The following ADGRL2 variants were observed in gnomAD, a reference collection of about 807,000 sequenced individuals.
ADGRL2 encodes the protein adhesion G protein-coupled receptor L2, also known as calcium-independent alpha-latrotoxin receptor 2.
ADGRL2 carries 44 observed loss-of-function variants against 157.4 expected under a neutral mutation model. The ratio of observed to expected loss-of-function variants is 0.28; its 90% CI spans 0.22 to 0.36. The LOEUF is 0.36. Ranked by LOEUF, ADGRL2 falls within the 10% of genes least tolerant of loss-of-function variation. The probability of loss-of-function intolerance (pLI) is 1.00; values close to 1 mark genes in which losing one functional copy is unlikely to be tolerated. For missense variants in ADGRL2, 1,510 were observed against 1,768.9 expected (o/e 0.85, Z 2.63); for synonymous variants, 585 against 624.7 (o/e 0.94, Z 0.95).
chr1:81,435,212 A>C (rs1190236901), intron 1 of ADGRL2, among the ~76,000 whole-genome samples: 2 of 152,236 alleles, frequency 1.3e-5, no homozygotes, highest in African/African-American at 4.8e-5. Flanking sequence ...AATGACCCAT[A>C]AACTGACCTT....
At chr1:81,371,960 C>T (rs886196106) in intron 1 of ADGRL2, among the ~76,000 whole-genome samples, 2 of 152,076 alleles carry the variant, frequency 1.3e-5, no homozygotes, top group Non-Finnish European at 2.9e-5. Flanking sequence ...AAACACAGGT[C>T]TGTTGTAGGT....
At chr1:81,703,913 G>A (rs1229116577) in intron 1 of ADGRL2, among the ~76,000 whole-genome samples, 1 of 152,194 alleles carries the variant, frequency 6.6e-6, no homozygotes, top group East Asian at 1.9e-4. Flanking sequence ...GGAAGGAAGT[G>A]TGGGGCAGAT....
chr1:81,669,936 A>C (rs1468065735), intron 3 of ADGRL2, among the ~76,000 whole-genome samples: 9 of 127,368 alleles, frequency 7.1e-5, no homozygotes, highest in East Asian at 6.5e-4. Context: ...GAGTGAGACT[A>C]CGTCTCAAAA....
chr1:81,968,220 T>TTA (rs765561033), intron 14 of ADGRL2, 21 bp downstream of exon 14: 2 of 1,598,962 alleles, frequency 1.3e-6, no homozygotes, highest in East Asian at 4.5e-5. Flanking sequence ...GCACTTCTAA[T>TTA]TAGTAGCAGA....
At chr1:81,624,984 TG>T (rs2081880328) in intron 3 of ADGRL2, among the ~76,000 whole-genome samples, 1 of 152,214 alleles carries the variant, frequency 6.6e-6, no homozygotes, top group Non-Finnish European at 1.5e-5. Flanking sequence ...GTCTCTTTGG[TG>T]ATCATGACAA....
chr1:81,968,095 T>A lies in ADGRL2; in HGVS notation c.2419T>A (p.Ser807Thr), dbSNP rs571951429. Residue 807 changes from serine to threonine, a missense_variant, in exon 14 of 24, where the codon TCT becomes ACT. Around this residue, in one of 4 missense-constraint regions of ADGRL2, gnomAD observed 497 missense variants for 627.2 expected, o/e 0.79. Transcript: ENST00000686636. Reference sequence around the variant, plus strand: ...AGAGAGAACTATGATGGGATATTGGTCTACCCAGGGCTGCAAGCTGGTTGA... The same window carrying A: ...AGAGAGAACTATGATGGGATATTGGACTACCCAGGGCTGCAAGCTGGTTGA... ...YSERTMMGYW[S>T]TQGCKLVDTN... 1 of 1,613,958 alleles carries A rather than the reference T, an allele frequency of 6.2e-7. No homozygotes were observed. Among genetic ancestry groups the A allele is most frequent in the Non-Finnish European group, 8.5e-7 (1 of 1,179,856 alleles).
chr1:81,312,862 A>G, intron 1 of ADGRL2, among the ~76,000 whole-genome samples: 1 of 152,324 alleles, frequency 6.6e-6, no homozygotes, highest in East Asian at 1.9e-4. Flanking sequence ...TTTAAAAATC[A>G]TGTAAACTGA....
chr1:81,616,735 G>A (rs1408593797), intron 3 of ADGRL2, among the ~76,000 whole-genome samples: 1 of 141,956 alleles, frequency 7.0e-6, no homozygotes, highest in African/African-American at 2.7e-5. Context: ...GGAGTGCAGT[G>A]GCACAATCTC....
chr1:81,877,051 G>C (rs1272921334), intron 2 of ADGRL2, among the ~76,000 whole-genome samples: 1 of 152,072 alleles, frequency 6.6e-6, no homozygotes, highest in Admixed American at 6.5e-5. Context: ...CTTAACTCCT[G>C]TTCCTGTCTC....
intron 2 of ADGRL2, among the ~76,000 whole-genome samples, chr1:81,777,738 G>T (rs2086643747): frequency 1.3e-5 from 2 of 152,160 alleles, no homozygotes; most frequent in Non-Finnish European, 2.9e-5. Flanking sequence ...ACTCCAGCCT[G>T]GGTGACAAGT....
chr1:81,512,159 TA>T (rs990166255), intron 2 of ADGRL2, among the ~76,000 whole-genome samples: 6 of 151,164 alleles, frequency 4.0e-5, no homozygotes, highest in African/African-American at 7.3e-5. Flanking sequence ...TCACATCAAT[TA>T]AAAAAAAAGA....
chr1:81,480,584 C>G (rs2078364374), intron 2 of ADGRL2, among the ~76,000 whole-genome samples: 1 of 152,112 alleles, frequency 6.6e-6, no homozygotes, highest in Non-Finnish European at 1.5e-5. Flanking sequence ...CAAGATATAG[C>G]TGACCATATT....
At chr1:81,456,296 T>C (rs1415062552) in intron 2 of ADGRL2, among the ~76,000 whole-genome samples, 1 of 152,154 alleles carries the variant, frequency 6.6e-6, no homozygotes, top group Non-Finnish European at 1.5e-5. Context: ...CATAGCTCAT[T>C]GTAGCCCCAA....
intron 2 of ADGRL2, among the ~76,000 whole-genome samples, chr1:81,541,060 C>A (rs965846778): frequency 2.6e-5 from 4 of 152,136 alleles, no homozygotes; most frequent in Non-Finnish European, 5.9e-5. Flanking sequence ...ATATATTGCC[C>A]CTGCCCTCTA....
At chr1:81,772,812 T>C (rs796438729) in intron 2 of ADGRL2, among the ~76,000 whole-genome samples, 52 of 152,268 alleles carry the variant, frequency 3.4e-4, no homozygotes, top group African/African-American at 1.2e-3. Context: ...TAGTAAAACA[T>C]ATGTTTATAG....
At chr1:81,494,494 G>A (rs187019636) in intron 2 of ADGRL2, among the ~76,000 whole-genome samples, 294 of 152,202 alleles carry the variant, frequency 1.9e-3, no homozygotes, top group Middle Eastern at 6.8e-3. Flanking sequence ...TTTTACTGAT[G>A]AAGAAAATCT....
At chr1:81,530,868 A>T (rs143526936) in intron 2 of ADGRL2, among the ~76,000 whole-genome samples, 1,945 of 152,140 alleles carry the variant, frequency 0.013, 60 homozygotes, top group African/African-American at 0.045. Flanking sequence ...GCAGATCACG[A>T]GGTCGGGAGT....
At chr1:81,519,488 A>G (rs986330747) in intron 2 of ADGRL2, among the ~76,000 whole-genome samples, 5 of 152,238 alleles carry the variant, frequency 3.3e-5, no homozygotes, top group Non-Finnish European at 7.3e-5. Context: ...ATAACAAAAG[A>G]TACTAATTTA....
chr1:81,857,893 A>G (rs866600476), intron 2 of ADGRL2, among the ~76,000 whole-genome samples: 21 of 152,252 alleles, frequency 1.4e-4, no homozygotes, highest in African/African-American at 4.6e-4. Flanking sequence ...TTTATACAGC[A>G]ATTAATCTTC....
Sources: allele counts gnomAD v4.1 joint callset (sites outside exome capture counted in the v4.1 genomes callset), GRCh38; gene constraint gnomAD v4.1.1; regional missense constraint gnomAD v4.1.1; transcripts MANE v1.5; gene names NCBI Gene and HGNC (gene_info 2026-07-23, HGNC 2026-07-21).